Variants in XRCC4 observed in about 807,000 individuals in gnomAD.
XRCC4 encodes X-ray repair cross complementing 4.
XRCC4 carries 28 observed loss-of-function variants against 39.1 expected under a neutral mutation model. The observed-to-expected ratio is 0.72, with a 90% CI of 0.53 to 0.98. The LOEUF is 0.98. Ranked by LOEUF, XRCC4 falls within the 50% of genes least tolerant of loss-of-function variation. The pLI is 0.00. For synonymous variants in XRCC4, 123 were observed against 126.4 expected (o/e 0.97, Z 0.18); for missense variants, 350 against 376.4 (o/e 0.93, Z 0.58).
intron 3 of XRCC4, among the ~76,000 whole-genome samples, chr5:83,185,080 G>T (rs180967892): frequency 1.3e-5 from 2 of 151,624 alleles, no homozygotes; most frequent in African/African-American, 2.4e-5. Flanking sequence ...ACGACCAAGG[G>T]ATAAAAAAAG....
chr5:83,366,348 C>T, the XRCC4 span, among the ~76,000 whole-genome samples: 2 of 152,116 alleles, frequency 1.3e-5, no homozygotes, highest in Non-Finnish European at 2.9e-5. Flanking sequence ...AAGACGGATC[C>T]TTGATTCATC....
At chr5:83,270,534 T>C (rs1486586593) in intron 7 of XRCC4, among the ~76,000 whole-genome samples, 1 of 152,008 alleles carries the variant, frequency 6.6e-6, no homozygotes, top group Non-Finnish European at 1.5e-5. Context: ...CATTTCCACT[T>C]CTCTGACCTC....
chr5:83,143,487 A>T (rs1053930102), intron 3 of XRCC4, among the ~76,000 whole-genome samples: 1 of 152,154 alleles, frequency 6.6e-6, no homozygotes, highest in Non-Finnish European at 1.5e-5. Flanking sequence ...GTTAAAAGCA[A>T]CATTCTAACA....
At chr5:83,244,277 T>A (rs1198758981) in intron 6 of XRCC4, among the ~76,000 whole-genome samples, 1 of 152,196 alleles carries the variant, frequency 6.6e-6, no homozygotes, top group Non-Finnish European at 1.5e-5. Flanking sequence ...GTTGTAGGAT[T>A]TTGTTGTCTT....
intron 1 of XRCC4, among the ~76,000 whole-genome samples, chr5:83,097,475 A>G (rs1002621653): frequency 5.3e-5 from 8 of 152,092 alleles, no homozygotes; most frequent in South Asian, 2.1e-4. Flanking sequence ...GTGGGGGGAA[A>G]AAAGTACATT....
chr5:83,096,157 A>G (rs1460617871), intron 1 of XRCC4, among the ~76,000 whole-genome samples: 1 of 151,908 alleles, frequency 6.6e-6, no homozygotes, highest in Non-Finnish European at 1.5e-5. Flanking sequence ...CTACATGGGC[A>G]GGATATTTCC....
chr5:83,240,471 T>C (rs1267970632), intron 6 of XRCC4, among the ~76,000 whole-genome samples: 2 of 152,194 alleles, frequency 1.3e-5, no homozygotes, highest in African/African-American at 4.8e-5. Flanking sequence ...GGAGATAGAA[T>C]TGACAGAACT....
At chr5:83,117,629 ATATGTG>A (rs1199375328) in intron 3 of XRCC4, among the ~76,000 whole-genome samples, 48 of 138,002 alleles carry the variant, frequency 3.5e-4, no homozygotes, top group African/African-American at 8.6e-4. Flanking sequence ...AGCTACATAT[ATATGTG>A]TGTGTGTGTG....
At chr5:83,189,083 T>G (rs1750580126) in intron 3 of XRCC4, among the ~76,000 whole-genome samples, 1 of 152,158 alleles carries the variant, frequency 6.6e-6, no homozygotes, top group African/African-American at 2.4e-5. Flanking sequence ...GCTGGTTGAG[T>G]CCATATACAA....
At chr5:83,259,861 AG>A (rs1753689554) in intron 7 of XRCC4, among the ~76,000 whole-genome samples, 1 of 152,088 alleles carries the variant, frequency 6.6e-6, no homozygotes, top group Non-Finnish European at 1.5e-5. Context: ...GAGAGCAAAA[AG>A]CTTTAAAATT....
intron 3 of XRCC4, among the ~76,000 whole-genome samples, chr5:83,193,074 G>A (rs1020202868): frequency 6.6e-6 from 1 of 152,084 alleles, no homozygotes; most frequent in Admixed American, 6.5e-5. Context: ...TGGGTGTAGA[G>A]GTAGAACACA....
chr5:83,201,997 G>A (rs1204714510), intron 4 of XRCC4: 1 of 149,444 alleles, frequency 6.7e-6, no homozygotes, highest in Non-Finnish European at 1.5e-5. Flanking sequence ...AGTGGAGATC[G>A]TGCCACTGCC....
chr5:83,241,058 A>G (rs1230117276), intron 6 of XRCC4, among the ~76,000 whole-genome samples: 2 of 152,070 alleles, frequency 1.3e-5, no homozygotes, highest in Non-Finnish European at 2.9e-5. Context: ...GAACATGGCA[A>G]AACTCTGTTT....
intron 7 of XRCC4, among the ~76,000 whole-genome samples, chr5:83,313,130 CA>C (rs956461270): frequency 6.2e-5 from 9 of 145,094 alleles, no homozygotes; most frequent in African/African-American, 2.3e-4. Context: ...GTCAAAAAAA[CA>C]AAAACCATGG....
Position 83,203,537 on chromosome 5 carries a change from T to G in XRCC4, c.483-15T>G, listed in dbSNP as rs199551802. The G allele has an allele frequency of 6.1e-5, 96 of 1,574,504 alleles. 1 individual carries two copies. In the Admixed American group the frequency reaches 1.1e-3, roughly 17 times the overall value. On this transcript the variant is annotated splice_polypyrimidine_tract_variant and intron_variant, in intron 4 of 7. Transcript: ENST00000396027. The stretch of plus-strand genomic sequence containing the variant: ...GAACTGCATGACTAATTTGTTTACT[T>G]ATTTACTTTTTTAGATTTGAAAAAT...
chr5:83,100,319 A>G (rs1745870599), intron 1 of XRCC4, among the ~76,000 whole-genome samples: 1 of 152,170 alleles, frequency 6.6e-6, no homozygotes, highest in Admixed American at 6.6e-5. Context: ...TGAAACATGA[A>G]TAATTCAAAG....
intron 7 of XRCC4, among the ~76,000 whole-genome samples, chr5:83,276,821 G>T (rs552786803): frequency 6.6e-6 from 1 of 151,792 alleles, no homozygotes; most frequent in East Asian, 1.9e-4. Flanking sequence ...ACAGAATCTT[G>T]TTATAATTTG....
chr5:83,350,521 G>A (rs1209077110), intron 7 of XRCC4, among the ~76,000 whole-genome samples: 1 of 151,464 alleles, frequency 6.6e-6, no homozygotes, highest in Non-Finnish European at 1.5e-5. Flanking sequence ...GACTAGTGAT[G>A]TGTAGCATTT....
At chr5:83,291,077 T>C (rs1352593706) in intron 7 of XRCC4, among the ~76,000 whole-genome samples, 1 of 151,912 alleles carries the variant, frequency 6.6e-6, no homozygotes, top group Non-Finnish European at 1.5e-5. Context: ...CATTTACATA[T>C]GTAAATATTT....
Sources: allele counts gnomAD v4.1 joint callset (sites outside exome capture counted in the v4.1 genomes callset), GRCh38; gene constraint gnomAD v4.1.1; transcripts MANE v1.5; gene names NCBI Gene and HGNC (gene_info 2026-07-23, HGNC 2026-07-21).